Variants in CEP97 observed in about 807,000 individuals in gnomAD.
The protein encoded by CEP97 is centrosomal protein of 97 kDa.
A neutral mutation model predicts 73.1 loss-of-function variants in CEP97; 43 were observed. The observed-to-expected ratio is 0.59, with a 90% CI of 0.46 to 0.76. CEP97 has a LOEUF of 0.76. Among genes scored for constraint, CEP97 ranks in the 30% least tolerant of loss-of-function variants. CEP97 has a pLI of 0.00. For synonymous variants in CEP97, 337 were observed against 370.0 expected, an observed-to-expected ratio of 0.91 and a Z score of 1.02; for missense variants, 939 against 1,014.0, an observed-to-expected ratio of 0.93 and a Z score of 1.00.
At chr3:101,762,142 T>C (rs1032632547) in intron 9 of CEP97, among the ~76,000 whole-genome samples, 1 of 152,164 alleles carries the variant, frequency 6.6e-6, no homozygotes, top group Admixed American at 6.5e-5. Context: ...GGCTGAGAAA[T>C]TGAAGCCAGA....
Position 101,765,601 on chromosome 3 carries a change from T to C in CEP97, c.*50T>C, listed in dbSNP as rs1260516146. The C allele has an allele frequency of 4.1e-6, 6 of 1,480,438 alleles. No homozygotes were observed. Among genetic ancestry groups the C allele is most frequent in the Admixed American group, 2.2e-5 (1 of 46,264 alleles). The allele number at this position is 1,480,438 out of a possible 1,614,324, so 91.7% of individuals were successfully genotyped here. On this transcript the variant is annotated 3_prime_UTR_variant, in exon 11 of 11. Coordinates refer to ENST00000341893, the MANE Select transcript of CEP97 (RefSeq NM_024548.4). ...CACTTAACTTTTCTTAAAAATACTT[T>C]CAGTTGCCTTTGCTTTTTTTTGGAG...
chr3:101,740,092 C>G (rs1326505120), intron 6 of CEP97, among the ~76,000 whole-genome samples: 1 of 152,148 alleles, frequency 6.6e-6, no homozygotes, highest in African/African-American at 2.4e-5. Context: ...TCTTACCACT[C>G]CTATTCAACA....
intron 1 of CEP97, among the ~76,000 whole-genome samples, chr3:101,725,424 C>T (rs1343889346): frequency 3.9e-5 from 6 of 152,068 alleles, no homozygotes; most frequent in Non-Finnish European, 7.4e-5. Context: ...GGGACAGGGC[C>T]CAGGGGTCGA....
At position 101,767,303 on chromosome 3, in the gene CEP97, A is replaced by C. The variant is rs2107201620; in HGVS notation, c.*1752A>C. 1 of 152,358 alleles carries C rather than the reference A, an allele frequency of 6.6e-6. No homozygotes were observed. The highest frequency in any genetic ancestry group is 2.1e-4 in the South Asian group (1 of 4,828). The allele number at this position is 152,358 out of a possible 1,614,324, so 9.4% of individuals were successfully genotyped here. A position where few individuals can be genotyped will look rare whatever the true frequency, so the allele number is the denominator to read the frequency against. On this transcript the variant is annotated 3_prime_UTR_variant, in exon 11 of 11. Transcript: ENST00000341893. ...CCTTAGTGAAACATGTGTAACATTG[A>C]ATGCATGTTAAATAAAAATGGAATT...
At chr3:101,733,466 G>C (rs765189874) in intron 6 of CEP97, among the ~76,000 whole-genome samples, 11 of 151,912 alleles carry the variant, frequency 7.2e-5, no homozygotes, top group Non-Finnish European at 1.0e-4. Flanking sequence ...AAAATGCAGA[G>C]TTTTAATTTG....
At chr3:101,764,081 T>C (rs1355977967) in intron 10 of CEP97, among the ~76,000 whole-genome samples, 1 of 152,168 alleles carries the variant, frequency 6.6e-6, no homozygotes, top group Non-Finnish European at 1.5e-5. Context: ...TGGGATGCTA[T>C]GGAAAAGATA....
intron 6 of CEP97, among the ~76,000 whole-genome samples, chr3:101,743,491 G>A (rs1439284971): frequency 2.0e-5 from 3 of 151,954 alleles, no homozygotes; most frequent in Admixed American, 1.3e-4. Context: ...CGCCTCCTAC[G>A]CTGAAGGGAC....
chr3:101,744,353 G>T (rs1335883232), intron 6 of CEP97, among the ~76,000 whole-genome samples: 2 of 152,086 alleles, frequency 1.3e-5, no homozygotes, highest in African/African-American at 4.8e-5. Flanking sequence ...GGAGGCCAAG[G>T]TGGGTGGATC....
chr3:101,763,029 C>A, intron 10 of CEP97: 1 of 1,198,930 alleles, frequency 8.3e-7, no homozygotes, highest in Non-Finnish European at 1.1e-6. Context: ...GTTTTACTAG[C>A]ATTGTATCAC....
chr3:101,750,871 A>G (rs1215734115), intron 6 of CEP97, among the ~76,000 whole-genome samples: 1 of 152,038 alleles, frequency 6.6e-6, no homozygotes, highest in African/African-American at 2.4e-5. Flanking sequence ...CAGCTCCTGG[A>G]TTCATTAATT....
chr3:101,753,499 C>A (rs1260775855), intron 6 of CEP97, among the ~76,000 whole-genome samples: 2 of 152,234 alleles, frequency 1.3e-5, no homozygotes, highest in African/African-American at 2.4e-5. Flanking sequence ...TGTGCCCTGC[C>A]CCCAGAGGTG....
At chr3:101,764,443 C>T (rs1464744748) in intron 10 of CEP97, among the ~76,000 whole-genome samples, 4 of 152,110 alleles carry the variant, frequency 2.6e-5, no homozygotes, top group African/African-American at 9.7e-5. Context: ...GAAACCCTGT[C>T]TCTACTAAAA....
intron 8 of CEP97, 105 bp from the exon 9 acceptor site, chr3:101,757,528 GA>G (rs1939043821): frequency 9.4e-7 from 1 of 1,066,990 alleles, no homozygotes; most frequent in South Asian, 1.7e-5. Context: ...TCACTGAGGG[GA>G]TTTTTTTGCA....
rs1939061155 is a variant in CEP97 at position 101,757,956 on chromosome 3, G to A, written c.1350G>A (p.Lys450=). 6.2e-7 allele frequency: 1 copy of A among 1,614,226 alleles called. No homozygotes were observed. Among genetic ancestry groups the A allele is most frequent in the Non-Finnish European group, 8.5e-7 (1 of 1,180,042 alleles). The change falls in exon 9 of 11, where the codon AAG becomes AAA. Residue 450 remains lysine, a synonymous_variant. Transcript: ENST00000341893. ...GGCTGGAAAGCCAGGTGTTGGATAAGGAAGAGGAACAGCCTTTATGGGCTG... is the reference window on the plus strand; with the variant it reads ...GGCTGGAAAGCCAGGTGTTGGATAAAGAAGAGGAACAGCCTTTATGGGCTG... ...VKGLESQVLD[K]EEEQPLWAAN...
chr3:101,744,914 T>C (rs959566726), intron 6 of CEP97, among the ~76,000 whole-genome samples: 2 of 152,246 alleles, frequency 1.3e-5, no homozygotes, highest in Non-Finnish European at 2.9e-5. Context: ...AAGTTCTCCA[T>C]TATGAAATGT....
At chr3:101,751,683 CTT>C (rs1938826055) in intron 6 of CEP97, among the ~76,000 whole-genome samples, 1 of 152,122 alleles carries the variant, frequency 6.6e-6, no homozygotes, top group Non-Finnish European at 1.5e-5. Context: ...TTCTTTGTCT[CTT>C]TTGATCTTTG....
chr3:101,767,076 C>T lies in CEP97; in HGVS notation c.*1525C>T, dbSNP rs1939337041. ...GAGTATCTGGGATTATAAGCAAGAG[C>T]CACTGCTCCCAGCTCATGGTATTTG... On this transcript the variant is annotated 3_prime_UTR_variant, in exon 11 of 11. Coordinates refer to ENST00000341893, the MANE Select transcript of CEP97 (RefSeq NM_024548.4). The T allele has an allele frequency of 6.6e-6, 1 of 152,136 alleles. No individual in the cohort carries two copies. Among genetic ancestry groups the T allele is most frequent in the African/African-American group, 2.4e-5 (1 of 41,418 alleles). 9.4% of individuals were successfully genotyped at this position (152,136 alleles called of 1,614,324 possible). A position where few individuals can be genotyped will look rare whatever the true frequency, so the allele number is the denominator to read the frequency against.
intron 4 of CEP97, among the ~76,000 whole-genome samples, chr3:101,731,140 GT>G (rs1242469742): frequency 2.0e-5 from 3 of 149,490 alleles, no homozygotes; most frequent in African/African-American, 7.4e-5. Context: ...ATGGATGTAG[GT>G]TATCACTCTC....
At chr3:101,756,963 A>G (rs773067905) in intron 7 of CEP97, 100 bp from the exon 8 acceptor site, 8 of 1,103,620 alleles carry the variant, frequency 7.2e-6, no homozygotes, top group Non-Finnish European at 9.1e-6. Context: ...TACTTTGAGA[A>G]CTTGTAAACT....
Sources: gnomAD v4.1 joint callset for allele counts (sites outside exome capture counted in the v4.1 genomes callset) on GRCh38, gnomAD v4.1.1 for gene constraint, MANE v1.5 for transcripts, NCBI Gene and HGNC (gene_info 2026-07-23, HGNC 2026-07-21) for gene names.